PFDN5: variants seen among roughly 807,000 people sequenced by gnomAD.
PFDN5 encodes the protein prefoldin subunit 5, also known as c-myc binding protein.
In PFDN5, 13 loss-of-function variants were observed where a neutral mutation model predicts 21.5. The observed-to-expected ratio is 0.60, with a 90% CI of 0.39 to 0.96. The LOEUF (loss-of-function observed/expected upper bound fraction) is 0.96, where lower values mean the gene tolerates loss of function less well. Among genes scored for constraint, PFDN5 ranks in the 40% least tolerant of loss-of-function variants. PFDN5 has a pLI of 0.00. For missense variants in PFDN5, 188 were observed against 186.2 expected, an observed-to-expected ratio of 1.01 and a Z score of -0.06; for synonymous variants, 84 against 68.9, an observed-to-expected ratio of 1.22 and a Z score of -1.08.
intron 3 of PFDN5, chr12:53,296,507 C>T (rs760565849): frequency 3.1e-6 from 2 of 635,130 alleles, no homozygotes; most frequent in South Asian, 3.3e-5. Flanking sequence ...CTCCCGAGTT[C>T]AAGAGATTCT....
intron 5 of PFDN5, chr12:53,298,465 G>A (rs939941179): frequency 2.4e-5 from 6 of 245,398 alleles, no homozygotes; most frequent in East Asian, 8.2e-5. Flanking sequence ...TTATAACCCC[G>A]ACTGCACATG....
intron 1 of PFDN5, 90 bp downstream of exon 1, chr12:53,295,729 T>A (rs1823791362): frequency 4.4e-6 from 6 of 1,351,590 alleles, no homozygotes; most frequent in Non-Finnish European, 6.4e-6. Context: ...GTTGGCAGCC[T>A]ACCTTTCCCA....
At position 53,295,575 on chromosome 12, in the gene PFDN5, A is replaced by G. The variant is rs1014718639; in HGVS notation, c.8A>G (p.Gln3Arg). Residue 3 changes from glutamine (Q) to arginine (R), a missense_variant, in exon 1 of 6, where the codon CAG becomes CGG. Transcript: ENST00000334478. Reference sequence around the variant, plus strand: ...TAAGTCGGCCTTCCCAACATGGCGCAGTCTATTAACATCACGGAGCTGAAT... The same window carrying G: ...TAAGTCGGCCTTCCCAACATGGCGCGGTCTATTAACATCACGGAGCTGAAT... MA[Q>R]SINITELNLP... 1 of 1,613,358 alleles carries G rather than the reference A, an allele frequency of 6.2e-7. No homozygotes were observed. Among genetic ancestry groups the G allele is most frequent in the Non-Finnish European group, 8.5e-7 (1 of 1,179,458 alleles).
intron 5 of PFDN5, chr12:53,298,987 T>G: frequency 3.7e-6 from 1 of 273,482 alleles, no homozygotes; most frequent in Non-Finnish European, 7.3e-6. Flanking sequence ...AATACAAAGT[T>G]AGCCCGGGCA....
intron 4 of PFDN5, 52 bp downstream of exon 4, chr12:53,297,976 G>A: frequency 6.4e-7 from 1 of 1,570,342 alleles, no homozygotes; most frequent in Non-Finnish European, 8.8e-7. Context: ...AAATTCAGGG[G>A]AAGCTCTAGA....
chr12:53,296,989 C>G (rs991107067), intron 3 of PFDN5: 1 of 154,038 alleles, frequency 6.5e-6, no homozygotes, highest in Non-Finnish European at 1.4e-5. Flanking sequence ...TCTAAACTGT[C>G]ACTAAGAAAC....
At position 53,298,250 on chromosome 12, in the gene PFDN5, A is replaced by G. The variant is rs1592503964; in HGVS notation, c.388+100A>G. ...GTGTCCCCTTTGCTGGAGTAAAACT[A>G]TGTCTTAGTTTCTCTTTGGCATCTT... On this transcript the variant is annotated intron_variant, in intron 5 of 5. Transcript: ENST00000334478. 3.2e-5 allele frequency: 24 copies of G among 756,544 alleles called. No individual in the cohort carries two copies. In the East Asian group the frequency reaches 4.5e-4, roughly 14 times the overall value. The allele number at this position is 756,544 out of a possible 1,614,324, so 46.9% of individuals were successfully genotyped here.
At chr12:53,296,348 G>A in intron 3 of PFDN5, 73 bp downstream of exon 3, 3 of 1,194,562 alleles carry the variant, frequency 2.5e-6, no homozygotes, top group South Asian at 2.5e-5. Context: ...AGCGGGGAGG[G>A]GGATTGTTTT....
At chr12:53,295,805 C>A in intron 1 of PFDN5, 34 bp from the exon 2 acceptor site, 1 of 1,372,574 alleles carries the variant, frequency 7.3e-7, no homozygotes, top group Non-Finnish European at 1.0e-6. Context: ...TCCCCTTAGT[C>A]CTCTCATTGA....
intron 5 of PFDN5, 91 bp from the exon 6 acceptor site, chr12:53,299,178 G>T: frequency 2.6e-6 from 2 of 767,650 alleles, no homozygotes; most frequent in Non-Finnish European, 4.5e-6. Context: ...GTAGTTAGTC[G>T]GTCGCCTGTC....
Position 53,296,038 on chromosome 12 carries a change from C to T in PFDN5, c.175+97C>T, listed in dbSNP as rs887985168. On this transcript the variant is annotated intron_variant, in intron 2 of 5. Coordinates refer to ENST00000334478, the MANE Select transcript of PFDN5 (RefSeq NM_002624.4). ...TTTTCTTACCTGAAACGAGAAAATC[C>T]ATTACATATCGTATACCGCTTCATG... The T allele has an allele frequency of 3.7e-6, 3 of 819,328 alleles. No individual in the cohort carries two copies. In the African/African-American group the frequency reaches 5.1e-5, roughly 14 times the overall value. 50.8% of individuals were successfully genotyped at this position (819,328 alleles called of 1,614,324 possible). A position where few individuals can be genotyped will look rare whatever the true frequency, so the allele number is the denominator to read the frequency against.
chr12:53,296,399 A>AGGGGGATTGTTTTGATTACTTCAGAT, intron 3 of PFDN5, 124 bp downstream of exon 3: 1 of 690,578 alleles, frequency 1.4e-6, no homozygotes, highest in Non-Finnish European at 2.4e-6. Context: ...GATTTTGAGG[A>AGGGGGATTGTTTTGATTACTTCAGAT]TACCCTTTTT....
chr12:53,298,194 A>C, intron 5 of PFDN5, 44 bp downstream of exon 5: 1 of 1,201,452 alleles, frequency 8.3e-7, no homozygotes. Context: ...CTCCATAATA[A>C]GGAACATGGA....
chr12:53,297,891 C>T lies in PFDN5; in HGVS notation c.249C>T (p.Leu83=). ...AGCTGCATGATGTGGAACACGTGCT[C>T]ATCGATGTGGGAACTGGGTACTATG... ...PGKLHDVEHV[L]IDVGTGYYVE... The change falls in exon 4 of 6, where the codon CTC becomes CTT. Residue 83 remains leucine, a synonymous_variant. Transcript: ENST00000334478. 2 of 1,613,230 alleles carry T rather than the reference C, an allele frequency of 1.2e-6. No homozygotes were observed. The highest frequency in any genetic ancestry group is 2.2e-5 in the South Asian group (2 of 91,032).
chr12:53,299,298 C>A lies in PFDN5; in HGVS notation c.418C>A (p.Gln140Lys). ...CATGGAAATGATGAGTCAGAAGATT[C>A]AGCAGCTCACAGCCCTGGGGGCAGC... ...AVMEMMSQKI[Q>K]QLTALGAAQA... Residue 140 changes from glutamine (Q) to lysine (K), a missense_variant, in exon 6 of 6, where the codon CAG becomes AAG. Gln to Lys is a moderately conservative substitution (Grantham distance 53). Transcript: ENST00000334478. 6.2e-7 allele frequency: 1 copy of A among 1,612,794 alleles called. No individual in the cohort carries two copies. Among genetic ancestry groups the A allele is most frequent in the South Asian group, 1.1e-5 (1 of 91,002 alleles).
At chr12:53,296,197 T>G (rs1944147723) in intron 2 of PFDN5, 47 bp from the exon 3 acceptor site, 3 of 1,571,286 alleles carry the variant, frequency 1.9e-6, no homozygotes, top group Non-Finnish European at 2.6e-6. Flanking sequence ...CGTCTTACGT[T>G]GGAGCCGCTA....
intron 5 of PFDN5, 143 bp downstream of exon 5, chr12:53,298,293 A>G (rs917267027): frequency 2.9e-5 from 18 of 625,834 alleles, no homozygotes; most frequent in African/African-American, 2.7e-4. Flanking sequence ...TGTGTATTGC[A>G]TAATCACTAT....
rs1337872518 is a variant in PFDN5 at position 53,295,951 on chromosome 12, A to C, written c.175+10A>C. The C allele has an allele frequency of 3.2e-6, 5 of 1,545,262 alleles. No homozygotes were observed. Among genetic ancestry groups the C allele is most frequent in the Non-Finnish European group, 4.5e-6 (5 of 1,117,972 alleles). ...AACAAGAGCAACGAGGGTATGGGGT[A>C]GGCGGGTGAGGGTAACCTAAAGTGG... On this transcript the variant is annotated intron_variant, in intron 2 of 5. Transcript: ENST00000334478.
intron 5 of PFDN5, 150 bp downstream of exon 5, chr12:53,298,300 C>CT (rs1472880634): frequency 3.3e-6 from 2 of 607,092 alleles, no homozygotes; most frequent in Admixed American, 5.5e-5. Flanking sequence ...TGCATAATCA[C>CT]TATCTGTAGA....
Sources: gnomAD v4.1 joint callset for allele counts on GRCh38, gnomAD v4.1.1 for gene constraint, MANE v1.5 for transcripts, NCBI Gene and HGNC (gene_info 2026-07-23, HGNC 2026-07-21) for gene names.